GRM7: variants seen among roughly 807,000 people sequenced by gnomAD.
The protein encoded by GRM7 is metabotropic glutamate receptor 7.
In GRM7, 35 loss-of-function variants were observed where a neutral mutation model predicts 84.5. The ratio of observed to expected loss-of-function variants is 0.41; its 90% CI spans 0.32 to 0.55. The LOEUF (loss-of-function observed/expected upper bound fraction) is 0.55. GRM7 is among the 20% of genes least tolerant of loss of function. GRM7 has a pLI of 0.19. For missense variants in GRM7, 1,003 were observed against 1,194.6 expected (o/e 0.84, Z 2.36); for synonymous variants, 487 against 455.1 (o/e 1.07, Z -0.89).
chr3:6,901,335 C>T lies in GRM7; in HGVS notation c.519+39428C>T, dbSNP rs146641702. Among the ~76,000 whole-genome samples, 76 of 152,210 alleles carry T rather than the reference C, an allele frequency of 5.0e-4. 1 individual carries two copies. The highest frequency in any genetic ancestry group is 3.8e-4 in the Non-Finnish European group (26 of 68,010). On this transcript the variant is annotated intron_variant, in intron 1 of 9. Transcript: ENST00000357716. ...TTTATGTAGGCTGGGCGCAGTGGCT[C>T]ACGCCTGTAATCCCAGTACTTTGGG...
chr3:7,490,610 T>A (rs941604580), intron 7 of GRM7, among the ~76,000 whole-genome samples: 1 of 152,174 alleles, frequency 6.6e-6, no homozygotes, highest in African/African-American at 2.4e-5. Flanking sequence ...TGCCCCTCGA[T>A]ATAAAAGAAA....
intron 8 of GRM7, among the ~76,000 whole-genome samples, chr3:7,620,921 T>G (rs1697327749): frequency 6.6e-6 from 1 of 151,742 alleles, no homozygotes; most frequent in Admixed American, 6.5e-5. Flanking sequence ...CCAACCTAAC[T>G]AATATTCTTG....
At chr3:7,352,057 CCACACACACACACACA>C (rs56873432) in intron 4 of GRM7, among the ~76,000 whole-genome samples, 38 of 136,964 alleles carry the variant, frequency 2.8e-4, no homozygotes, top group African/African-American at 7.1e-4. Context: ...CACACACACA[CCACACACACACACACA>C]CACACACACA....
intron 1 of GRM7, among the ~76,000 whole-genome samples, chr3:6,962,683 A>G (rs748625002): frequency 6.6e-6 from 1 of 152,214 alleles, no homozygotes. Context: ...TCACACAACT[A>G]GTAGTGCCAA....
At chr3:7,543,429 C>A (rs1372109776) in intron 7 of GRM7, among the ~76,000 whole-genome samples, 2 of 152,188 alleles carry the variant, frequency 1.3e-5, no homozygotes, top group Non-Finnish European at 2.9e-5. Flanking sequence ...CCCAAAGGAC[C>A]AATCCTGTCT....
At chr3:7,095,345 T>C (rs1698820152) in intron 1 of GRM7, among the ~76,000 whole-genome samples, 1 of 152,170 alleles carries the variant, frequency 6.6e-6, no homozygotes, top group Non-Finnish European at 1.5e-5. Flanking sequence ...TACTTCCTAC[T>C]TTCTTTTTCA....
intron 1 of GRM7, among the ~76,000 whole-genome samples, chr3:7,068,750 A>G (rs2124980814): frequency 6.6e-6 from 1 of 152,080 alleles, no homozygotes; most frequent in South Asian, 2.1e-4. Context: ...AGCAATGCAT[A>G]TATTTCATTC....
chr3:7,203,634 T>C (rs570243767), intron 2 of GRM7, among the ~76,000 whole-genome samples: 1 of 152,182 alleles, frequency 6.6e-6, no homozygotes, highest in Non-Finnish European at 1.5e-5. Flanking sequence ...CTGGATCGTA[T>C]GTTAGTTCTA....
chr3:6,960,570 C>T (rs189189772), intron 1 of GRM7, among the ~76,000 whole-genome samples: 3 of 152,294 alleles, frequency 2.0e-5, no homozygotes, highest in Admixed American at 6.5e-5. Flanking sequence ...CCCTATAACC[C>T]GTTATATCCC....
In GRM7 at chr3:7,726,653, A is replaced by C. The variant is rs1472853972; in HGVS notation, c.2699-13704A>C. Among the ~76,000 whole-genome samples the C allele has an allele frequency of 3.2e-4, 30 of 93,924 alleles. 2 individuals are homozygous for C. Among genetic ancestry groups the C allele is most frequent in the African/African-American group, 1.3e-3 (29 of 22,556 alleles). 61.6% of individuals were successfully genotyped at this position (93,924 alleles called of 152,430 possible). A position where few individuals can be genotyped will look rare whatever the true frequency, so the allele number is the denominator to read the frequency against. On this transcript the variant is annotated intron_variant, in intron 9 of 9. Coordinates refer to ENST00000357716, the MANE Select transcript of GRM7 (RefSeq NM_000844.4). Reference sequence around the variant, plus strand: ...TATATATATATATATATATATATATATATATATATATAGGTTTTCCCCATT... The same window carrying C: ...TATATATATATATATATATATATATCTATATATATATAGGTTTTCCCCATT...
At chr3:6,950,173 C>A (rs1287400783) in intron 1 of GRM7, among the ~76,000 whole-genome samples, 1 of 152,116 alleles carries the variant, frequency 6.6e-6, no homozygotes, top group East Asian at 1.9e-4. Flanking sequence ...GTTTTTTCCC[C>A]ATCTTTGTGG....
intron 2 of GRM7, among the ~76,000 whole-genome samples, chr3:7,156,520 A>C (rs1694455039): frequency 6.6e-6 from 1 of 152,116 alleles, no homozygotes; most frequent in Non-Finnish European, 1.5e-5. Flanking sequence ...CCGGCTTTTG[A>C]CTGATAATTA....
At chr3:7,075,749 C>G (rs907821326) in intron 1 of GRM7, among the ~76,000 whole-genome samples, 2 of 152,094 alleles carry the variant, frequency 1.3e-5, no homozygotes, top group Non-Finnish European at 2.9e-5. Flanking sequence ...TGGTTTCGAA[C>G]TCCTGACCTC....
intron 1 of GRM7, among the ~76,000 whole-genome samples, chr3:7,041,194 T>G (rs1696598561): frequency 6.6e-6 from 1 of 152,198 alleles, no homozygotes; most frequent in Non-Finnish European, 1.5e-5. Context: ...AATAAAGGTT[T>G]ATCTTGATTC....
intron 8 of GRM7, among the ~76,000 whole-genome samples, chr3:7,670,728 T>TG: frequency 4.9e-3 from 1 of 204 alleles, no homozygotes; most frequent in East Asian, 0.12. Flanking sequence ...ATTAATTCTT[T>TG]AAACTACTGG....
chr3:7,563,267 C>T lies in GRM7; in HGVS notation c.1516-15155C>T, dbSNP rs113166990. Among the ~76,000 whole-genome samples, 108 of 152,130 alleles carry T rather than the reference C, an allele frequency of 7.1e-4. 1 individual carries two copies. In the Middle Eastern group the frequency reaches 0.01, roughly 14 times the overall value. ...GCTAGTCAGATACAGAAGGCTCAAG[C>T]GCAAAAGAAGAATGACAAGTGTTCA... On this transcript the variant is annotated intron_variant, in intron 7 of 9. Coordinates refer to ENST00000357716, the MANE Select transcript of GRM7 (RefSeq NM_000844.4).
chr3:7,699,498 A>G (rs1408009024), intron 9 of GRM7, among the ~76,000 whole-genome samples: 1 of 152,198 alleles, frequency 6.6e-6, no homozygotes, highest in African/African-American at 2.4e-5. Flanking sequence ...TTATGAAACA[A>G]TTTTTTAAAT....
chr3:7,416,163 G>A (rs529589380), intron 5 of GRM7, among the ~76,000 whole-genome samples: 14 of 152,112 alleles, frequency 9.2e-5, no homozygotes, highest in Non-Finnish European at 1.8e-4. Context: ...GAATGTGTGA[G>A]CCAAGGCTGC....
At chr3:7,476,927 G>A (rs1386322824) in intron 7 of GRM7, among the ~76,000 whole-genome samples, 1 of 152,130 alleles carries the variant, frequency 6.6e-6, no homozygotes, top group African/African-American at 2.4e-5. Context: ...CCTTACTTGT[G>A]AAGACTCACA....
Sources: gnomAD v4.1 joint callset for allele counts (sites outside exome capture counted in the v4.1 genomes callset) on GRCh38, gnomAD v4.1.1 for gene constraint, MANE v1.5 for transcripts, NCBI Gene and HGNC (gene_info 2026-07-23, HGNC 2026-07-21) for gene names.